The following SBF2 variants were observed in gnomAD, a reference collection of about 807,000 sequenced individuals.
The protein encoded by SBF2 is myotubularin-related protein 13.
Under a neutral mutation model 225.2 loss-of-function variants are expected in SBF2, and 112 were observed. The ratio of observed to expected loss-of-function variants is 0.50; its 90% CI spans 0.43 to 0.58. SBF2 has a LOEUF of 0.58. Among genes scored for constraint, SBF2 ranks in the 20% least tolerant of loss-of-function variants. The pLI, the probability that SBF2 is intolerant of heterozygous loss-of-function variation, is 0.00. For missense variants in SBF2, 1,996 were observed against 2,206.2 expected, an observed-to-expected ratio of 0.90 and a Z score of 1.91; for synonymous variants, 763 against 773.3, an observed-to-expected ratio of 0.99 and a Z score of 0.22.
rs77543234 is a variant in SBF2 at position 10,118,912 on chromosome 11, A to C, written c.141+74990T>G. ...CCTGAAGTACTGGAAGAAAAAAAAA[A>C]AACAAAACTAAACAAACAAACAAAC... On this transcript the variant is annotated intron_variant, in intron 2 of 39. Coordinates refer to ENST00000256190, the MANE Select transcript of SBF2 (RefSeq NM_030962.4). Among the ~76,000 whole-genome samples the C allele has an allele frequency of 1.4e-4, 21 of 149,448 alleles. No homozygotes were observed. In the South Asian group the frequency reaches 3.3e-3, roughly 24 times the overall value.
intron 16 of SBF2, among the ~76,000 whole-genome samples, chr11:9,911,527 A>G (rs79371241): frequency 0.061 from 9,312 of 152,280 alleles, 467 homozygotes; most frequent in East Asian, 0.28. Flanking sequence ...TTGTAAAGCA[A>G]AAAAGTTATA....
chr11:10,232,109 G>T (rs545387319), intron 1 of SBF2, among the ~76,000 whole-genome samples: 123 of 152,364 alleles, frequency 8.1e-4, no homozygotes, highest in African/African-American at 2.1e-3. Flanking sequence ...CTCCGAGCCA[G>T]GTGCGGGATA....
chr11:10,041,629 T>C (rs751834807), intron 3 of SBF2, among the ~76,000 whole-genome samples: 2 of 152,192 alleles, frequency 1.3e-5, no homozygotes, highest in African/African-American at 4.8e-5. Context: ...TCTAATGAAC[T>C]TGAATAATGA....
intron 33 of SBF2, among the ~76,000 whole-genome samples, chr11:9,794,688 A>AAAAAAAAAAAC: frequency 7.0e-6 from 1 of 143,814 alleles, no homozygotes; most frequent in South Asian, 2.3e-4. Flanking sequence ...AAAAAAAAAA[A>AAAAAAAAAAAC]AAAAAAAAAA....
intron 2 of SBF2, among the ~76,000 whole-genome samples, chr11:10,181,960 G>A (rs570866334): frequency 7.9e-5 from 12 of 152,156 alleles, no homozygotes; most frequent in Non-Finnish European, 1.3e-4. Flanking sequence ...GTACATTGGT[G>A]ACTTTTTATA....
At chr11:9,804,143 A>C (rs1165604951) in intron 32 of SBF2, among the ~76,000 whole-genome samples, 1 of 152,192 alleles carries the variant, frequency 6.6e-6, no homozygotes, top group African/African-American at 2.4e-5. Context: ...AAAAACAAAC[A>C]AACAAAAAAA....
Position 9,992,589 on chromosome 11 carries a change from G to A in SBF2, c.1168-46C>T, listed in dbSNP as rs201581999. Reference sequence around the variant, plus strand: ...AAATAATAATTTATCACTTGGTAACGGACAAATGGTCAAAACAGAAATACA... The same window carrying A: ...AAATAATAATTTATCACTTGGTAACAGACAAATGGTCAAAACAGAAATACA... On this transcript the variant is annotated intron_variant, in intron 11 of 39. Transcript: ENST00000256190. 351 of 1,571,908 alleles carry A rather than the reference G, an allele frequency of 2.2e-4. 1 individual carries two copies. In the African/African-American group the frequency reaches 3.5e-3, roughly 16 times the overall value.
chr11:10,238,939 A>G lies in SBF2; in HGVS notation c.56-44952T>C, dbSNP rs1455559868. 4.0e-5 allele frequency among the ~76,000 whole-genome samples: 6 copies of G among 150,820 alleles called. 1 individual carries two copies. In the South Asian group the frequency reaches 1.3e-3, roughly 33 times the overall value. Reference sequence around the variant, plus strand: ...AAAAACAAACAAAAAATAAATAAGTAAAATAATAGTGGACGATGTTAACGT... The same window carrying G: ...AAAAACAAACAAAAAATAAATAAGTGAAATAATAGTGGACGATGTTAACGT... On this transcript the variant is annotated intron_variant, in intron 1 of 39. Coordinates refer to ENST00000256190, the MANE Select transcript of SBF2 (RefSeq NM_030962.4).
At chr11:10,133,723 C>T (rs529310155) in intron 2 of SBF2, among the ~76,000 whole-genome samples, 41 of 151,784 alleles carry the variant, frequency 2.7e-4, no homozygotes, top group East Asian at 2.0e-3. Flanking sequence ...GAGTGGGCTC[C>T]GGCCTTGGCC....
chr11:10,087,592 A>G (rs1209897569), intron 2 of SBF2, among the ~76,000 whole-genome samples: 1 of 152,234 alleles, frequency 6.6e-6, no homozygotes, highest in African/African-American at 2.4e-5. Context: ...CATCTTGTTT[A>G]GACAGGTTTT....
chr11:10,075,544 G>A (rs891966326), intron 2 of SBF2, among the ~76,000 whole-genome samples: 3 of 152,170 alleles, frequency 2.0e-5, no homozygotes, highest in Non-Finnish European at 2.9e-5. Flanking sequence ...CCCCCTTGCT[G>A]TTCTTATGAT....
At chr11:10,143,266 G>A (rs138923670) in intron 2 of SBF2, among the ~76,000 whole-genome samples, 6 of 152,144 alleles carry the variant, frequency 3.9e-5, no homozygotes, top group African/African-American at 1.4e-4. Context: ...CTGCCTCCTG[G>A]GTTCAAGCGA....
intron 6 of SBF2, among the ~76,000 whole-genome samples, chr11:10,005,775 C>A (rs1173981988): frequency 1.3e-5 from 2 of 152,188 alleles, no homozygotes; most frequent in Admixed American, 1.3e-4. Context: ...GCCTCAACTT[C>A]TTTGGCTGGA....
chr11:9,846,432 G>T (rs911739527), intron 23 of SBF2, among the ~76,000 whole-genome samples: 2 of 152,176 alleles, frequency 1.3e-5, no homozygotes, highest in South Asian at 2.1e-4. Context: ...ACTTCTTCCA[G>T]GGTCTGGTTT....
chr11:10,280,542 A>G (rs1163348075), intron 1 of SBF2, among the ~76,000 whole-genome samples: 2 of 152,214 alleles, frequency 1.3e-5, no homozygotes, highest in East Asian at 3.8e-4. Context: ...GGATACAAAA[A>G]ATAGTCTTTT....
At chr11:10,261,547 A>G (rs751742808) in intron 1 of SBF2, among the ~76,000 whole-genome samples, 1 of 152,210 alleles carries the variant, frequency 6.6e-6, no homozygotes, top group Non-Finnish European at 1.5e-5. Context: ...AAGATGGTAT[A>G]CCACTTTGGG....
At position 9,953,445 on chromosome 11, in the gene SBF2, C is replaced by A. The variant is rs139063985; in HGVS notation, c.1860+8512G>T. 4.1e-4 allele frequency among the ~76,000 whole-genome samples: 62 copies of A among 149,424 alleles called. 1 individual carries two copies. The highest frequency in any genetic ancestry group is 5.9e-4 in the Non-Finnish European group (40 of 67,240). Reference sequence around the variant, plus strand: ...GTGACAGAGTGAGACTCAAAAAAAACGAAAAAGAAAAAAAAGAAACTGTGG... The same window carrying A: ...GTGACAGAGTGAGACTCAAAAAAAAAGAAAAAGAAAAAAAAGAAACTGTGG... On this transcript the variant is annotated intron_variant, in intron 16 of 39. Transcript: ENST00000256190.
At chr11:10,027,139 C>T (rs1949083906) in intron 6 of SBF2, among the ~76,000 whole-genome samples, 1 of 151,990 alleles carries the variant, frequency 6.6e-6, no homozygotes, top group Non-Finnish European at 1.5e-5. Flanking sequence ...GTATACAATA[C>T]ATTGTTATTA....
intron 1 of SBF2, among the ~76,000 whole-genome samples, chr11:10,275,435 C>A (rs1962878649): frequency 6.6e-6 from 1 of 152,118 alleles, no homozygotes; most frequent in African/African-American, 2.4e-5. Flanking sequence ...CGCATGACTT[C>A]CTACTTACAC....
Sources: allele counts gnomAD v4.1 joint callset (sites outside exome capture counted in the v4.1 genomes callset), GRCh38; gene constraint gnomAD v4.1.1; transcripts MANE v1.5; gene names NCBI Gene and HGNC (gene_info 2026-07-23, HGNC 2026-07-21).